The following C2 variants were observed in gnomAD, a reference collection of about 807,000 sequenced individuals.
C2 encodes the protein complement C2.
A neutral mutation model predicts 85.2 loss-of-function variants in C2; 64 were observed. The ratio of observed to expected loss-of-function variants is 0.75; its 90% confidence interval spans 0.61 to 0.92. C2 has a LOEUF of 0.92. Among genes scored for constraint, C2 ranks in the 40% least tolerant of loss-of-function variants. C2 has a pLI of 0.00. For missense variants in C2, 820 were observed against 971.6 expected (o/e 0.84, Z 2.07); for synonymous variants, 311 against 370.8 (o/e 0.84, Z 1.85).
In C2 at chr6:31,944,928, C is replaced by T. The variant is rs1771247114; in HGVS notation, c.2030-52C>T. 6.2e-7 allele frequency: 1 copy of T among 1,612,604 alleles called. No individual in the cohort carries two copies. Among genetic ancestry groups the T allele is most frequent in the Non-Finnish European group, 8.5e-7 (1 of 1,179,602 alleles). On this transcript the variant is annotated intron_variant, in intron 16 of 17. Coordinates refer to ENST00000299367, the MANE Select transcript of C2 (RefSeq NM_000063.6). The surrounding 1 kb of genome is among the most constrained non-coding windows in gnomAD (Gnocchi z 5.1). The stretch of plus-strand genomic sequence containing the variant: ...TCTGTGGCCAGCATGCATGCCAGAA[C>T]ACCAGTCCACTGCCCTAGATGACAC...
At chr6:31,931,572 G>C (rs905936742) in intron 3 of C2, among the ~76,000 whole-genome samples, 6 of 151,874 alleles carry the variant, frequency 4.0e-5, no homozygotes, top group African/African-American at 1.2e-4. Context: ...GAGAGCACAG[G>C]GTTGGGGGTA....
At chr6:31,907,959 G>C (rs1224858525) in intron 1 of C2, among the ~76,000 whole-genome samples, 4 of 142,320 alleles carry the variant, frequency 2.8e-5, no homozygotes, top group African/African-American at 1.1e-4. Flanking sequence ...CAATTCTCCT[G>C]CCTCAGCCTC....
rs202082500 is a variant in C2, at chr6:31,933,759, A to C, written c.592A>C (p.Ser198Arg). ...ERECQGNGVW[S>R]GTEPICRQPY... is the part of the protein sequence containing the mutation. ...GGAGTGCCAGGGCAACGGGGTCTGG[A>C]GTGGAACGGAGCCCATCTGCCGCCG... is the stretch of plus-strand genomic sequence containing the variant. The change falls in exon 4 of 18, where the codon AGT (serine) becomes CGT (arginine). Residue 198 changes from serine (S) to arginine (R), a missense_variant. Physicochemically the swap from Ser to Arg is moderately radical, Grantham distance 110. Transcript: ENST00000299367. 2.2e-5 allele frequency: 36 copies of C among 1,613,560 alleles called. No individual in the cohort carries two copies. Among genetic ancestry groups the C allele is most frequent in the Non-Finnish European group, 1.0e-5 (12 of 1,180,026 alleles).
At chr6:31,897,885 C>T, upstream of C2, 3 of 1,059,814 alleles carry the variant, frequency 2.8e-6, no homozygotes, top group South Asian at 1.4e-4. Context: ...TCTGCAGGGA[C>T]CGAGGGCGAG....
Position 31,944,669 on chromosome 6 carries a change from C to T in C2, c.1903-58C>T, listed in dbSNP as rs938428990. 28 of 1,606,102 alleles carry T rather than the reference C, an allele frequency of 1.7e-5. No individual in the cohort carries two copies. In the African/African-American group the frequency reaches 3.3e-4, roughly 19 times the overall value. On this transcript the variant is annotated intron_variant, in intron 15 of 17. Transcript: ENST00000299367. The surrounding 1 kb of genome is among the most constrained non-coding windows in gnomAD (Gnocchi z 5.1). Reference sequence around the variant, plus strand: ...GTGCTGAGATTACAGGCGTGAGCCACTGCACCCACCCGGGTCTGCTTATTC... The same window carrying T: ...GTGCTGAGATTACAGGCGTGAGCCATTGCACCCACCCGGGTCTGCTTATTC...
chr6:31,942,861 G>T, intron 9 of C2, 98 bp from the exon 10 acceptor site: 1 of 1,493,216 alleles, frequency 6.7e-7, no homozygotes, highest in Admixed American at 1.7e-5. Flanking sequence ...GCTCATGTAG[G>T]TCTTGATTGG....
chr6:31,942,909 G>A, intron 9 of C2, 50 bp from the exon 10 acceptor site: 1 of 1,611,142 alleles, frequency 6.2e-7, no homozygotes, highest in Non-Finnish European at 8.5e-7. Context: ...CTGTCTCATG[G>A]GGTAGCCCCA....
In C2 at chr6:31,944,143, C is replaced by T; in HGVS notation, c.1819C>T (p.Leu607=). Residue 607 remains leucine (L), a synonymous_variant, in exon 15 of 18, where the codon CTG becomes TTG. Coordinates refer to ENST00000299367, the MANE Select transcript of C2 (RefSeq NM_000063.6). The surrounding 1 kb of genome is among the most constrained non-coding windows in gnomAD (Gnocchi z 5.1). ...CCTTCTCTTGACTATAGAGAATGAA[C>T]TGCTGAACAAACAGAGTGTTCCTGC... ...GSTCRDHENE[L]LNKQSVPAHF... is the part of the protein sequence containing the mutation. 1 of 1,612,150 alleles carries T rather than the reference C, an allele frequency of 6.2e-7. No homozygotes were observed. Among genetic ancestry groups the T allele is most frequent in the Non-Finnish European group, 8.5e-7 (1 of 1,179,170 alleles).
intron 1 of C2, chr6:31,901,161 C>T (rs9394078): frequency 0.034 from 55,578 of 1,613,684 alleles, 1,570 homozygotes; most frequent in East Asian, 0.13. Flanking sequence ...GCCAAGATGA[C>T]CTTGTGGCCT....
At position 31,944,068 on chromosome 6, in the gene C2, C is replaced by A; in HGVS notation, c.1811-67C>A. ...GTGATAACAAGGACTAGGCTGCAGT[C>A]CCCAAGCCAGGAACCTGGATTCTGG... On this transcript the variant is annotated intron_variant, in intron 14 of 17. Transcript: ENST00000299367. This position sits in a 1 kb window ranked among gnomAD's most constrained non-coding sequence, Gnocchi z 5.1. 3.1e-6 allele frequency: 5 copies of A among 1,590,062 alleles called. No homozygotes were observed. The highest frequency in any genetic ancestry group is 4.3e-6 in the Non-Finnish European group (5 of 1,159,136).
rs543692943 is a variant in C2, at chr6:31,910,730, AGCACTTT to A, written c.73+9593_73+9599del. On this transcript the variant is annotated intron_variant, in intron 1 of 3. Coordinates refer to the C2 transcript ENST00000452202. ...CACGGTGGCCCACACCTGTAATCCC[AGCACTTT>A]GGGAGGCTGAGGCAGATGAATCACT... 1.8e-4 allele frequency among the ~76,000 whole-genome samples: 28 copies of A among 152,186 alleles called. No individual in the cohort carries two copies. The South Asian group carries it at 2.9e-3, about 16-fold the overall frequency.
upstream of C2, among the ~76,000 whole-genome samples, chr6:31,915,008 G>T (rs1213269625): frequency 6.6e-6 from 1 of 152,116 alleles, no homozygotes. Context: ...GGGCTCAGGG[G>T]CCCCGTGGTC....
chr6:31,943,984 A>T lies in C2; in HGVS notation c.1801A>T (p.Arg601Trp). 1 of 1,612,918 alleles carries T rather than the reference A, an allele frequency of 6.2e-7. No individual in the cohort carries two copies. Among genetic ancestry groups the T allele is most frequent in the Non-Finnish European group, 8.5e-7 (1 of 1,179,940 alleles). The change falls in exon 14 of 18, where the codon AGG becomes TGG. Residue 601 changes from arginine to tryptophan, a missense_variant. Transcript: ENST00000299367. This position sits in a 1 kb window ranked among gnomAD's most constrained non-coding sequence, Gnocchi z 6.4. The stretch of plus-strand genomic sequence containing the variant: ...GCGGAGACCTCAAGGCAGCACCTGT[A>T]GGGACCATGGTGAGTGCTGGGACTT... ...ALRRPQGSTC[R>W]DHENELLNKQ...
chr6:31,911,330 A>T (rs527615401), intron 1 of C2, among the ~76,000 whole-genome samples: 19 of 152,290 alleles, frequency 1.2e-4, no homozygotes, highest in South Asian at 8.3e-4. Flanking sequence ...CATAAAAAAA[A>T]AAATAAAATG....
chr6:31,909,872 GTTTT>G (rs545795093), intron 1 of C2, among the ~76,000 whole-genome samples: 1 of 149,642 alleles, frequency 6.7e-6, no homozygotes, highest in African/African-American at 2.5e-5. Context: ...GTTATTTTCT[GTTTT>G]TTTTTGTTTT....
intron 3 of C2, 41 bp downstream of exon 3, chr6:31,928,958 C>A: frequency 6.4e-7 from 1 of 1,567,280 alleles, no homozygotes; most frequent in Non-Finnish European, 8.7e-7. Context: ...GGGCTGGGGT[C>A]TCCTGGGGAA....
chr6:31,923,422 G>A (rs571297053), upstream of C2, among the ~76,000 whole-genome samples: 121 of 152,292 alleles, frequency 7.9e-4, no homozygotes, highest in Non-Finnish European at 1.2e-3. Flanking sequence ...GAGCAGCTCT[G>A]CCAGCCAGGG....
upstream of C2, among the ~76,000 whole-genome samples, chr6:31,926,591 C>CA (rs1423657120): frequency 6.6e-6 from 1 of 151,766 alleles, no homozygotes; most frequent in Non-Finnish European, 1.5e-5. Flanking sequence ...CTCAGCCTCC[C>CA]AAAATGCTGG....
chr6:31,899,414 A>G (rs925779622), upstream of C2, among the ~76,000 whole-genome samples: 1 of 151,904 alleles, frequency 6.6e-6, no homozygotes, highest in African/African-American at 2.4e-5. Context: ...CCAGCATGCA[A>G]GAACTGTCTC....
Sources: allele counts gnomAD v4.1 joint callset (sites outside exome capture counted in the v4.1 genomes callset), GRCh38; gene constraint gnomAD v4.1.1; non-coding constraint Gnocchi (gnomAD v3.1); transcripts MANE v1.5; gene names NCBI Gene and HGNC (gene_info 2026-07-23, HGNC 2026-07-21).